The following SLF1 variants were observed in gnomAD, a reference collection of about 807,000 sequenced individuals.
The protein encoded by SLF1 is SMC5-SMC6 complex localization factor protein 1.
In SLF1, 105 loss-of-function variants were observed where a neutral mutation model predicts 123.0. That is an observed-to-expected ratio of 0.85 (90% CI 0.73 to 1.00). The LOEUF (loss-of-function observed/expected upper bound fraction) is 1.00, where lower values mean the gene tolerates loss of function less well. Among genes scored for constraint, SLF1 ranks in the 50% least tolerant of loss-of-function variants. SLF1 has a pLI of 0.00. For synonymous variants in SLF1, 434 were observed against 406.6 expected, an observed-to-expected ratio of 1.07 and a Z score of -0.81; for missense variants, 1,239 against 1,223.0, an observed-to-expected ratio of 1.01 and a Z score of -0.20.
chr5:94,654,025 G>C (rs146821926), intron 8 of SLF1, among the ~76,000 whole-genome samples: 4 of 152,138 alleles, frequency 2.6e-5, no homozygotes, highest in African/African-American at 9.6e-5. Flanking sequence ...CAAAAAATTA[G>C]CTGGCATGGT....
In SLF1 at chr5:94,660,100, C is replaced by A. The variant is rs141720593; in HGVS notation, c.1156-2198C>A. Among the ~76,000 whole-genome samples the A allele has an allele frequency of 4.0e-3, 616 of 152,294 alleles. 2 individuals carry two copies. The highest frequency in any genetic ancestry group is 5.9e-3 in the Admixed American group (91 of 15,308). Reference sequence around the variant, plus strand: ...ATGGGTCGATCCACAGGTTCTCAGACAATGTGCTGGGGTCCCAGCAGCAGT... The same window carrying A: ...ATGGGTCGATCCACAGGTTCTCAGAAAATGTGCTGGGGTCCCAGCAGCAGT... On this transcript the variant is annotated intron_variant, in intron 9 of 20. Coordinates refer to ENST00000265140, the MANE Select transcript of SLF1 (RefSeq NM_032290.4).
intron 14 of SLF1, among the ~76,000 whole-genome samples, 161 bp downstream of exon 14, chr5:94,671,169 C>T (rs910764230): frequency 6.6e-6 from 1 of 151,686 alleles, no homozygotes; most frequent in African/African-American, 2.4e-5. Flanking sequence ...GTAAAAGGTC[C>T]TTGGAGACTG....
At chr5:94,652,907 G>A (rs1036602653) in intron 7 of SLF1, among the ~76,000 whole-genome samples, 1 of 152,066 alleles carries the variant, frequency 6.6e-6, no homozygotes, top group Non-Finnish European at 1.5e-5. Flanking sequence ...GCTCAGGCTG[G>A]AGTGCAATGG....
Position 94,695,343 on chromosome 5 carries a change from A to C in SLF1, c.*31A>C. 1.3e-6 allele frequency: 2 copies of C among 1,568,626 alleles called. No homozygotes were observed. Among genetic ancestry groups the C allele is most frequent in the Non-Finnish European group, 1.7e-6 (2 of 1,157,270 alleles). On this transcript the variant is annotated 3_prime_UTR_variant, in exon 21 of 21. Coordinates refer to ENST00000265140, the MANE Select transcript of SLF1 (RefSeq NM_032290.4). ...CTAGAAAGTATGGATTGACTTTCTA[A>C]ATCTGTTCAGTTTGCATTGGTACTT...
rs199916429 is a variant in SLF1 at position 94,654,379 on chromosome 5, TAA to T, written c.1033-247_1033-246del. Among the ~76,000 whole-genome samples the T allele has an allele frequency of 2.0e-4, 20 of 102,192 alleles. No individual in the cohort carries two copies. In the East Asian group the frequency reaches 5.8e-3, roughly 30 times the overall value. 67.0% of individuals were successfully genotyped at this position (102,192 alleles called of 152,430 possible). ...AAGTACATATGTTGGCAGGAGCAAA[TAA>T]AAAGAGTAAAAAGAAAAAAAAAAAA... On this transcript the variant is annotated intron_variant, in intron 8 of 20. Coordinates refer to ENST00000265140, the MANE Select transcript of SLF1 (RefSeq NM_032290.4).
In SLF1 at chr5:94,618,720, C is replaced by T. The variant is rs1450723539; in HGVS notation, c.-46C>T. ...TGAGTGCTGCAGCGGCAGTCGTCGC[C>T]CCTGCCGCCGCTGCCACCGAAGGAA... On this transcript the variant is annotated 5_prime_UTR_variant, in exon 1 of 21. Coordinates refer to ENST00000265140, the MANE Select transcript of SLF1 (RefSeq NM_032290.4). The T allele has an allele frequency of 6.5e-6, 1 of 154,824 alleles. No homozygotes were observed. The highest frequency in any genetic ancestry group is 6.5e-5 in the Admixed American group (1 of 15,276). The allele number at this position is 154,824 out of a possible 1,614,324, so 9.6% of individuals were successfully genotyped here. A position where few individuals can be genotyped will look rare whatever the true frequency, so the allele number is the denominator to read the frequency against.
rs1753495024 is a variant in SLF1 at position 94,696,083 on chromosome 5, T to A, written c.*771T>A. ...CATCTAAGTAATAGATTTGAGATTA[T>A]TTAAGATCTTAATATATAGTATGAA... On this transcript the variant is annotated 3_prime_UTR_variant, in exon 21 of 21. Transcript: ENST00000265140. 6.6e-6 allele frequency: 1 copy of A among 151,786 alleles called. No homozygotes were observed. Among genetic ancestry groups the A allele is most frequent in the Non-Finnish European group, 1.5e-5 (1 of 67,806 alleles). 9.4% of individuals were successfully genotyped at this position (151,786 alleles called of 1,614,324 possible).
chr5:94,667,515 A>G (rs1368607556), intron 12 of SLF1, among the ~76,000 whole-genome samples: 1 of 152,156 alleles, frequency 6.6e-6, no homozygotes, highest in Non-Finnish European at 1.5e-5. Flanking sequence ...GCTCTTTCCA[A>G]AGTGATCTTG....
At chr5:94,688,842 A>T (rs1752743441) in intron 17 of SLF1, among the ~76,000 whole-genome samples, 173 bp downstream of exon 17, 1 of 152,232 alleles carries the variant, frequency 6.6e-6, no homozygotes, top group Non-Finnish European at 1.5e-5. Context: ...TTCAAGGTAC[A>T]TGCTTTCTAA....
rs138171836 is a variant in SLF1 at position 94,695,539 on chromosome 5, TG to T, written c.*228del. The T allele has an allele frequency of 6.6e-3, 2,051 of 311,702 alleles. 47 individuals carry two copies. Among genetic ancestry groups the T allele is most frequent in the African/African-American group, 0.042 (1,936 of 46,216 alleles). 19.3% of individuals were successfully genotyped at this position (311,702 alleles called of 1,614,324 possible). ...TTTGACTCAAAAGTAAAAATAATTT[TG>T]TTTTAGTATATTCTACTTTCATTAA... On this transcript the variant is annotated 3_prime_UTR_variant, in exon 21 of 21. Coordinates refer to ENST00000265140, the MANE Select transcript of SLF1 (RefSeq NM_032290.4).
At chr5:94,651,909 C>G in intron 7 of SLF1, 64 bp downstream of exon 7, 1 of 830,170 alleles carries the variant, frequency 1.2e-6, no homozygotes. Context: ...GAACAGTTTT[C>G]TTTAGCTTTT....
At chr5:94,632,512 C>T (rs895664198) in intron 4 of SLF1, among the ~76,000 whole-genome samples, 6 of 151,928 alleles carry the variant, frequency 3.9e-5, no homozygotes, top group South Asian at 2.1e-4. Context: ...ATGTATTCTC[C>T]GCTTGTTCTT....
intron 9 of SLF1, among the ~76,000 whole-genome samples, chr5:94,660,791 AC>A (rs2152484297): frequency 6.6e-6 from 1 of 152,306 alleles, no homozygotes; most frequent in Admixed American, 6.5e-5. Context: ...AAACTGTGGG[AC>A]AGGGTTTCTG....
At chr5:94,672,690 C>T (rs936208300) in intron 14 of SLF1, among the ~76,000 whole-genome samples, 4 of 151,970 alleles carry the variant, frequency 2.6e-5, no homozygotes, top group Non-Finnish European at 5.9e-5. Context: ...ACCACTATGA[C>T]TTGTTTTTAT....
In SLF1 at chr5:94,694,844, A is replaced by G. The variant is rs1324982029; in HGVS notation, c.2709A>G (p.Leu903=). 1.3e-6 allele frequency: 2 copies of G among 1,568,754 alleles called. No individual in the cohort carries two copies. Among genetic ancestry groups the G allele is most frequent in the East Asian group, 2.3e-5 (1 of 44,412 alleles). ...LLLQHGGPVL[L]QQRNAKGELP... is the part of the protein sequence containing the mutation. The stretch of plus-strand genomic sequence containing the variant: ...TTCTTTTCACAGGCCCAGTGCTTTT[A>G]CAACAGAGGAATGCTAAGGGAGAAT... The change falls in exon 21 of 21, where the codon TTA becomes TTG. Residue 903 remains leucine, a synonymous_variant. Coordinates refer to ENST00000265140, the MANE Select transcript of SLF1 (RefSeq NM_032290.4).
chr5:94,685,327 A>T (rs1403729807), intron 15 of SLF1, among the ~76,000 whole-genome samples: 1 of 152,126 alleles, frequency 6.6e-6, no homozygotes, highest in African/African-American at 2.4e-5. Flanking sequence ...TCTGCTGTTT[A>T]TTATGTTTAC....
intron 1 of SLF1, among the ~76,000 whole-genome samples, chr5:94,625,158 A>G (rs941502354): frequency 6.7e-6 from 1 of 149,596 alleles, no homozygotes; most frequent in Admixed American, 6.7e-5. Context: ...GTGCCACTGT[A>G]CTCCAGCCTG....
At chr5:94,640,199 T>G (rs1746289086) in intron 4 of SLF1, among the ~76,000 whole-genome samples, 1 of 152,198 alleles carries the variant, frequency 6.6e-6, no homozygotes, top group Admixed American at 6.5e-5. Flanking sequence ...CTGGTAATGA[T>G]TTATCTCATT....
chr5:94,640,643 A>G (rs1211695725), intron 4 of SLF1, among the ~76,000 whole-genome samples: 2 of 152,126 alleles, frequency 1.3e-5, no homozygotes, highest in Non-Finnish European at 2.9e-5. Context: ...ATTATTTTCA[A>G]TAGCTATTGC....
Sources: gnomAD v4.1 joint callset for allele counts (sites outside exome capture counted in the v4.1 genomes callset) on GRCh38, gnomAD v4.1.1 for gene constraint, MANE v1.5 for transcripts, NCBI Gene and HGNC (gene_info 2026-07-23, HGNC 2026-07-21) for gene names.